Variants in DACH1 observed in about 807,000 individuals in gnomAD.
The protein encoded by DACH1 is dachshund family transcription factor 1.
Under a neutral mutation model 54.2 loss-of-function variants are expected in DACH1, and 12 were observed. The ratio of observed to expected loss-of-function variants is 0.22; its 90% CI spans 0.14 to 0.36. The LOEUF (loss-of-function observed/expected upper bound fraction) is 0.36, where lower values mean the gene tolerates loss of function less well. Ranked by LOEUF, DACH1 falls within the 10% of genes least tolerant of loss-of-function variation. DACH1 has a pLI of 1.00. For missense variants in DACH1, 805 were observed against 929.8 expected, an observed-to-expected ratio of 0.87 and a Z score of 1.75; for synonymous variants, 386 against 366.2, an observed-to-expected ratio of 1.05 and a Z score of -0.62.
chr13:71,759,582 G>C (rs1322886153), intron 1 of DACH1, among the ~76,000 whole-genome samples: 1 of 152,172 alleles, frequency 6.6e-6, no homozygotes, highest in African/African-American at 2.4e-5. Context: ...ACTAAACCAA[G>C]AGAAATAGAT....
chr13:71,498,813 G>A (rs1879662376), intron 6 of DACH1, among the ~76,000 whole-genome samples: 1 of 151,968 alleles, frequency 6.6e-6, no homozygotes, highest in South Asian at 2.1e-4. Context: ...GTATTTTTAG[G>A]GGGAAATCAT....
intron 1 of DACH1, among the ~76,000 whole-genome samples, chr13:71,845,611 G>A (rs1229918925): frequency 1.3e-5 from 2 of 152,044 alleles, no homozygotes; most frequent in Non-Finnish European, 2.9e-5. Context: ...ACTGCCTACA[G>A]TAGGCTTTAC....
intron 1 of DACH1, among the ~76,000 whole-genome samples, chr13:71,741,938 T>C (rs1884405224): frequency 6.6e-6 from 1 of 152,084 alleles, no homozygotes. Context: ...ACTGATATGG[T>C]TCAGCTGTGC....
At chr13:71,519,487 C>T (rs1881411625) in intron 6 of DACH1, among the ~76,000 whole-genome samples, 1 of 151,584 alleles carries the variant, frequency 6.6e-6, no homozygotes, top group Admixed American at 6.6e-5. Flanking sequence ...GGCAGGTTTC[C>T]TACCATTTTT....
At chr13:71,452,462 T>G (rs1002541405) in intron 10 of DACH1, among the ~76,000 whole-genome samples, 7 of 152,168 alleles carry the variant, frequency 4.6e-5, no homozygotes, top group African/African-American at 1.7e-4. Context: ...TAAAAAAAAT[T>G]ACATCAGCTA....
At chr13:71,617,156 ACT>A (rs1347002898) in intron 3 of DACH1, among the ~76,000 whole-genome samples, 2 of 152,096 alleles carry the variant, frequency 1.3e-5, no homozygotes, top group East Asian at 1.9e-4. Context: ...GGCTTGAGCC[ACT>A]CTGCCCAGCA....
chr13:71,816,539 T>C (rs1002887227), intron 1 of DACH1, among the ~76,000 whole-genome samples: 1 of 147,820 alleles, frequency 6.8e-6, no homozygotes, highest in Non-Finnish European at 1.5e-5. Context: ...ATAAAGAAAA[T>C]GTGGTATGTG....
At chr13:71,694,504 C>A (rs1881716491) in intron 1 of DACH1, among the ~76,000 whole-genome samples, 1 of 152,180 alleles carries the variant, frequency 6.6e-6, no homozygotes, top group Non-Finnish European at 1.5e-5. Flanking sequence ...GATTTACATT[C>A]ATTGAATTTT....
At chr13:71,865,265 T>A (rs1874649030) in intron 1 of DACH1, among the ~76,000 whole-genome samples, 1 of 152,186 alleles carries the variant, frequency 6.6e-6, no homozygotes, top group Non-Finnish European at 1.5e-5. Context: ...GGAGCTCAAG[T>A]CCCCGGAGCC....
chr13:71,477,104 A>ATTTTT (rs565497537), intron 8 of DACH1, among the ~76,000 whole-genome samples: 1 of 43,254 alleles, frequency 2.3e-5, no homozygotes, highest in African/African-American at 8.6e-5. Flanking sequence ...ATATATATAT[A>ATTTTT]TTTTTTTTTT....
chr13:71,659,430 C>T (rs1415979355), intron 2 of DACH1, among the ~76,000 whole-genome samples: 1 of 152,138 alleles, frequency 6.6e-6, no homozygotes, highest in Non-Finnish European at 1.5e-5. Flanking sequence ...AGTCCCATCT[C>T]TGTGCTTGTT....
chr13:71,462,518 G>GA (rs201014424), intron 10 of DACH1, among the ~76,000 whole-genome samples: 9 of 150,178 alleles, frequency 6.0e-5, no homozygotes, highest in African/African-American at 1.7e-4. Flanking sequence ...ATCACATACA[G>GA]AAAAAAAAAA....
intron 1 of DACH1, among the ~76,000 whole-genome samples, chr13:71,842,207 T>C (rs7320400): frequency 0.4 from 60,559 of 152,038 alleles, 14,552 homozygotes; most frequent in East Asian, 0.84. Flanking sequence ...AAGAAATGCA[T>C]TCCAATTAGT....
intron 2 of DACH1, among the ~76,000 whole-genome samples, chr13:71,635,094 A>T (rs942050467): frequency 1.3e-5 from 2 of 152,222 alleles, no homozygotes; most frequent in Non-Finnish European, 2.9e-5. Context: ...CACTGAATGA[A>T]CAAATCCTTA....
At chr13:71,458,888 G>A (rs1875822234) in intron 10 of DACH1, among the ~76,000 whole-genome samples, 1 of 151,658 alleles carries the variant, frequency 6.6e-6, no homozygotes, top group Non-Finnish European at 1.5e-5. Flanking sequence ...AGAAGTATTT[G>A]TTTCTGTATA....
At chr13:71,660,433 T>C (rs975426642) in intron 2 of DACH1, among the ~76,000 whole-genome samples, 1 of 152,110 alleles carries the variant, frequency 6.6e-6, no homozygotes, top group African/African-American at 2.4e-5. Context: ...TGGTAATAAC[T>C]TTAGGGTTAT....
chr13:71,448,574 C>T (rs1397824395), intron 10 of DACH1, among the ~76,000 whole-genome samples: 1 of 152,104 alleles, frequency 6.6e-6, no homozygotes, highest in Admixed American at 6.6e-5. Flanking sequence ...AGAGTAAGAA[C>T]ATTCTGCTAC....
chr13:71,682,968 C>T (rs1354293836), intron 1 of DACH1, among the ~76,000 whole-genome samples: 1 of 152,046 alleles, frequency 6.6e-6, no homozygotes, highest in Non-Finnish European at 1.5e-5. Flanking sequence ...CCAAAACGTG[C>T]CTAGATATTT....
chr13:71,710,042 T>C (rs1882636498), intron 1 of DACH1, among the ~76,000 whole-genome samples: 11 of 152,062 alleles, frequency 7.2e-5, no homozygotes, highest in Admixed American at 6.5e-4. Context: ...AAAGATGGGG[T>C]TTCACCATGT....
Sources: gnomAD v4.1 joint callset for allele counts (sites outside exome capture counted in the v4.1 genomes callset) on GRCh38, gnomAD v4.1.1 for gene constraint, MANE v1.5 for transcripts, NCBI Gene and HGNC (gene_info 2026-07-23, HGNC 2026-07-21) for gene names.